The following CLHC1 variants were observed in gnomAD, a reference collection of about 807,000 sequenced individuals.
CLHC1 encodes clathrin heavy chain linker domain containing 1, also known as clathrin heavy chain linker domain-containing protein 1.
In CLHC1, 72 loss-of-function variants were observed where a neutral mutation model predicts 69.5. The observed-to-expected ratio is 1.04, with a 90% CI of 0.86 to 1.26. The LOEUF is 1.26. Among genes scored for constraint, CLHC1 ranks in the 50% most tolerant of loss-of-function variants. The pLI, the probability that CLHC1 is intolerant of heterozygous loss-of-function variation, is 0.00. For synonymous variants in CLHC1, 223 were observed against 224.3 expected, an observed-to-expected ratio of 0.99 and a Z score of 0.05; for missense variants, 790 against 679.3, an observed-to-expected ratio of 1.16 and a Z score of -1.81.
intron 4 of CLHC1, among the ~76,000 whole-genome samples, chr2:55,217,255 C>T (rs1266662365): frequency 6.6e-6 from 1 of 151,108 alleles, no homozygotes; most frequent in Non-Finnish European, 1.5e-5. Flanking sequence ...GTGGTTCACA[C>T]CTTTAATCTT....
intron 9 of CLHC1, among the ~76,000 whole-genome samples, chr2:55,187,939 C>T (rs1480559172): frequency 1.3e-5 from 2 of 152,064 alleles, no homozygotes; most frequent in African/African-American, 2.4e-5. Flanking sequence ...TCCTAAAAAT[C>T]ATTGAGAAAA....
intron 8 of CLHC1, 52 bp downstream of exon 8, chr2:55,208,574 G>A: frequency 8.7e-7 from 1 of 1,146,496 alleles, no homozygotes; most frequent in Admixed American, 1.8e-5. Flanking sequence ...TATTCACAAA[G>A]AATCTATGAA....
At chr2:55,210,246 G>T (rs1222148477) in intron 5 of CLHC1, among the ~76,000 whole-genome samples, 1 of 151,642 alleles carries the variant, frequency 6.6e-6, no homozygotes, top group Non-Finnish European at 1.5e-5. Flanking sequence ...GCCCAGGCTG[G>T]AGTGCAGTGG....
intron 4 of CLHC1, among the ~76,000 whole-genome samples, chr2:55,216,779 TC>T (rs1350008982): frequency 6.6e-6 from 1 of 152,136 alleles, no homozygotes; most frequent in Non-Finnish European, 1.5e-5. Context: ...TACCTTGGCC[TC>T]CCAAAGTGCT....
At chr2:55,212,911 T>C in intron 4 of CLHC1, 105 bp from the exon 5 acceptor site, 1 of 842,398 alleles carries the variant, frequency 1.2e-6, no homozygotes, top group South Asian at 1.5e-5. Flanking sequence ...TGAACCATTA[T>C]GGACTAGGTG....
intron 5 of CLHC1, among the ~76,000 whole-genome samples, chr2:55,210,819 C>G (rs1414176809): frequency 6.6e-6 from 1 of 152,158 alleles, no homozygotes; most frequent in Non-Finnish European, 1.5e-5. Flanking sequence ...ATTCATAACT[C>G]TCTCTCTTTC....
In CLHC1 at chr2:55,212,736, C is replaced by T. The variant is rs1229794653; in HGVS notation, c.436G>A (p.Glu146Lys). 6.3e-7 allele frequency: 1 copy of T among 1,589,446 alleles called. No individual in the cohort carries two copies. The highest frequency in any genetic ancestry group is 8.6e-7 in the Non-Finnish European group (1 of 1,157,578). The change falls in exon 5 of 13, where the codon GAG (glutamate) becomes AAG (lysine). Residue 146 changes from glutamate to lysine, a missense_variant. Glu to Lys is a moderately conservative substitution (Grantham distance 56). Coordinates refer to ENST00000401408, the MANE Select transcript of CLHC1 (RefSeq NM_152385.4). ...TATTTTACTTCTTTTGTGTCATACT[C>T]TGCCCTACACTGCTTGATGTGATCT... ...QIDHIKQCRA[E>K]YDTKEVKYCT... is the part of the protein sequence containing the mutation.
intron 9 of CLHC1, 28 bp from the exon 10 acceptor site, chr2:55,181,772 C>G (rs759975536): frequency 1.6e-5 from 26 of 1,576,066 alleles, no homozygotes; most frequent in Non-Finnish European, 2.1e-5. Flanking sequence ...TTTTCTGAGT[C>G]AAATACTTTA....
At chr2:55,229,483 A>G (rs1024689838) in intron 1 of CLHC1, among the ~76,000 whole-genome samples, 7 of 152,178 alleles carry the variant, frequency 4.6e-5, no homozygotes, top group African/African-American at 1.7e-4. Context: ...CTAGAAGAGA[A>G]TGAGAAAGGG....
intron 9 of CLHC1, among the ~76,000 whole-genome samples, chr2:55,201,640 A>C (rs1172306270): frequency 6.6e-6 from 1 of 152,244 alleles, no homozygotes; most frequent in East Asian, 1.9e-4. Context: ...ATAGAGGCAG[A>C]GGAAATACTT....
intron 9 of CLHC1, among the ~76,000 whole-genome samples, chr2:55,189,954 C>T (rs1435583433): frequency 3.9e-5 from 6 of 152,172 alleles, no homozygotes; most frequent in Admixed American, 3.9e-4. Flanking sequence ...TGAAAACAAG[C>T]TCCAGAAGGA....
chr2:55,200,511 G>C (rs958407448), intron 9 of CLHC1, among the ~76,000 whole-genome samples: 1 of 152,040 alleles, frequency 6.6e-6, no homozygotes, highest in African/African-American at 2.4e-5. Flanking sequence ...CCTAACACTG[G>C]AGTACCCAGA....
At chr2:55,205,386 T>C (rs1380494895) in intron 9 of CLHC1, among the ~76,000 whole-genome samples, 3 of 146,928 alleles carry the variant, frequency 2.0e-5, no homozygotes, top group South Asian at 2.2e-4. Flanking sequence ...CAAGGGATGA[T>C]TGGATAAAGA....
chr2:55,212,878 C>A, intron 4 of CLHC1, 72 bp from the exon 5 acceptor site: 1 of 1,140,704 alleles, frequency 8.8e-7, no homozygotes, highest in Non-Finnish European at 1.3e-6. Context: ...TAAAGTCAAA[C>A]AGGTTAAATC....
intron 9 of CLHC1, among the ~76,000 whole-genome samples, chr2:55,190,578 A>C (rs1479644973): frequency 6.6e-6 from 1 of 152,208 alleles, no homozygotes; most frequent in African/African-American, 2.4e-5. Flanking sequence ...AATCAAAGTT[A>C]CAGAGATGAA....
intron 4 of CLHC1, among the ~76,000 whole-genome samples, chr2:55,215,771 C>T (rs758179366): frequency 1.7e-4 from 26 of 152,188 alleles, no homozygotes; most frequent in Non-Finnish European, 2.6e-4. Context: ...AAAATGTTCT[C>T]GGGTCCAAAG....
chr2:55,203,555 T>TG (rs1672160254), intron 9 of CLHC1, among the ~76,000 whole-genome samples: 2 of 152,226 alleles, frequency 1.3e-5, no homozygotes, highest in South Asian at 2.1e-4. Flanking sequence ...GAACATATAC[T>TG]GGGGAAAAGA....
At chr2:55,202,888 G>C (rs1305649398) in intron 9 of CLHC1, among the ~76,000 whole-genome samples, 2 of 123,968 alleles carry the variant, frequency 1.6e-5, no homozygotes, top group African/African-American at 3.3e-5. Context: ...GACAGAGTGA[G>C]ACTCATCTCA....
At position 55,208,658 on chromosome 2, in the gene CLHC1, T is replaced by C; in HGVS notation, c.867A>G (p.Lys289=). ...ELMEDDPRRA[K]EAEIMLHYIE... The stretch of plus-strand genomic sequence containing the variant: ...TGTAGTGAAGCATAATTTCAGCTTC[T>C]TTTGCCCTGCGTGGATCATCTTCCA... Residue 289 remains lysine, a synonymous_variant, in exon 8 of 13, where the codon AAA becomes AAG. Coordinates refer to ENST00000401408, the MANE Select transcript of CLHC1 (RefSeq NM_152385.4). 4.3e-6 allele frequency: 7 copies of C among 1,612,448 alleles called. No individual in the cohort carries two copies. The highest frequency in any genetic ancestry group is 5.9e-6 in the Non-Finnish European group (7 of 1,178,664).
Sources: gnomAD v4.1 joint callset for allele counts (sites outside exome capture counted in the v4.1 genomes callset) on GRCh38, gnomAD v4.1.1 for gene constraint, MANE v1.5 for transcripts, NCBI Gene and HGNC (gene_info 2026-07-23, HGNC 2026-07-21) for gene names.